Variants in PHF5A observed in about 807,000 individuals in gnomAD.
PHF5A encodes the protein PHD finger protein 5A.
For synonymous variants in PHF5A, 52 were observed against 46.0 expected (o/e 1.13, Z -0.52); for missense variants, 24 against 140.6 (o/e 0.17, Z 4.19).
At chr22:41,464,456 G>A (rs1283179410) in intron 3 of PHF5A, among the ~76,000 whole-genome samples, 2 of 152,198 alleles carry the variant, frequency 1.3e-5, no homozygotes, top group African/African-American at 2.4e-5. Flanking sequence ...GGACTTCTTT[G>A]TGTTCCTTGG....
chr22:41,463,641 C>T (rs973871434), intron 3 of PHF5A, among the ~76,000 whole-genome samples: 9 of 140,514 alleles, frequency 6.4e-5, no homozygotes, highest in Non-Finnish European at 1.1e-4. Context: ...GGAAGAATTG[C>T]TTGAACCCAG....
At chr22:41,466,667 G>A (rs2037868162) in intron 3 of PHF5A, among the ~76,000 whole-genome samples, 1 of 152,030 alleles carries the variant, frequency 6.6e-6, no homozygotes. Context: ...GCGACCACAG[G>A]TACACACCAG....
intron 3 of PHF5A, 83 bp from the exon 4 acceptor site, chr22:41,460,570 G>A: frequency 9.1e-7 from 1 of 1,102,638 alleles, no homozygotes; most frequent in Non-Finnish European, 1.3e-6. Flanking sequence ...GCCCAGTGTG[G>A]TAGCATGTGC....
In PHF5A at chr22:41,459,914, C is replaced by CA. The variant is rs1555884801; in HGVS notation, c.*483_*484insT. On this transcript the variant is annotated 3_prime_UTR_variant, in exon 4 of 4. Coordinates refer to ENST00000216252, the MANE Select transcript of PHF5A (RefSeq NM_032758.4). Reference sequence around the variant, plus strand: ...GGCAGAGCCCTGCCCCCCCACCCCCCCCCCAAAAAAAACGGGAAATGCCTA... The same window carrying CA: ...GGCAGAGCCCTGCCCCCCCACCCCCCACCCCAAAAAAAACGGGAAATGCCTA... The CA allele has an allele frequency of 9.2e-6, 1 of 109,236 alleles. No homozygotes were observed. 6.8% of individuals were successfully genotyped at this position (109,236 alleles called of 1,614,324 possible).
intron 3 of PHF5A, 122 bp from the exon 4 acceptor site, chr22:41,460,609 G>A (rs964134407): frequency 4.4e-5 from 26 of 590,252 alleles, no homozygotes; most frequent in South Asian, 1.6e-4. Flanking sequence ...CTCGAAGGCC[G>A]AGGCAGGAGG....
intron 3 of PHF5A, among the ~76,000 whole-genome samples, chr22:41,464,860 C>A (rs79009): frequency 0.81 from 123,758 of 152,188 alleles, 51,350 homozygotes; most frequent in East Asian, 0.95. Flanking sequence ...GTGCTAGACA[C>A]CCTACAGGGG....
chr22:41,467,773 T>G (rs75341251), intron 2 of PHF5A, among the ~76,000 whole-genome samples, 159 bp from the exon 3 acceptor site: 2,252 of 152,308 alleles, frequency 0.015, 53 homozygotes, highest in African/African-American at 0.051. Flanking sequence ...GTTTCCCCAG[T>G]GTCCATCTCA....
At chr22:41,464,538 A>G (rs2037851340) in intron 3 of PHF5A, among the ~76,000 whole-genome samples, 1 of 152,222 alleles carries the variant, frequency 6.6e-6, no homozygotes, top group African/African-American at 2.4e-5. Flanking sequence ...AATGTGAAGT[A>G]GGGGAAGTGA....
At chr22:41,465,795 G>A (rs1005046162) in intron 3 of PHF5A, among the ~76,000 whole-genome samples, 1 of 152,098 alleles carries the variant, frequency 6.6e-6, no homozygotes, top group South Asian at 2.1e-4. Flanking sequence ...CAGGAGAATC[G>A]CTTGAACCCA....
Position 41,467,996 on chromosome 22 carries a change from G to C in PHF5A, c.76+128C>G, listed in dbSNP as rs1166517951. The C allele has an allele frequency of 8.3e-6, 8 of 963,074 alleles. No homozygotes were observed. The African/African-American group carries it at 9.9e-5, about 12-fold the overall frequency. 59.7% of individuals were successfully genotyped at this position (963,074 alleles called of 1,614,324 possible). On this transcript the variant is annotated intron_variant, in intron 2 of 3. Coordinates refer to ENST00000216252, the MANE Select transcript of PHF5A (RefSeq NM_032758.4). ...GGAGTTAGAGGGGCCTTTGGCTAAA[G>C]TGCAGCATTCAGTGTTCACATACTT...
intron 3 of PHF5A, among the ~76,000 whole-genome samples, chr22:41,463,709 A>G (rs930675917): frequency 1.6e-5 from 2 of 128,112 alleles, no homozygotes; most frequent in African/African-American, 6.1e-5. Context: ...TGGGAGACAC[A>G]GTAAGACTCT....
At chr22:41,467,997 T>G in intron 2 of PHF5A, 127 bp downstream of exon 2, 1 of 968,106 alleles carries the variant, frequency 1.0e-6, no homozygotes, top group South Asian at 1.5e-5. Flanking sequence ...TTGGCTAAAG[T>G]GCAGCATTCA....
chr22:41,468,461 G>A lies in PHF5A; in HGVS notation c.52+141C>T, dbSNP rs1407819673. ...CTCATCAGAGGCCACAAACCTGCGC[G>A]CTCCTACAACACCCCGCGCCTGAGA... On this transcript the variant is annotated intron_variant, in intron 1 of 3. Transcript: ENST00000216252. The A allele has an allele frequency of 6.0e-5, 57 of 951,218 alleles. 2 individuals are homozygous for A. The East Asian group carries it at 1.4e-3, about 23-fold the overall frequency. 58.9% of individuals were successfully genotyped at this position (951,218 alleles called of 1,614,324 possible).
intron 3 of PHF5A, among the ~76,000 whole-genome samples, chr22:41,463,547 G>A (rs1001000809): frequency 2.6e-5 from 4 of 151,406 alleles, no homozygotes; most frequent in Admixed American, 2.0e-4. Flanking sequence ...CCAACATGGT[G>A]AAACTCTGTC....
intron 3 of PHF5A, among the ~76,000 whole-genome samples, chr22:41,460,979 C>A (rs1480424220): frequency 6.6e-6 from 1 of 152,106 alleles, no homozygotes; most frequent in Non-Finnish European, 1.5e-5. Context: ...TCGAGACCAG[C>A]CTGGCCAACA....
Position 41,468,143 on chromosome 22 carries a change from G to A in PHF5A, c.57C>T (p.Ile19=), listed in dbSNP as rs776409922. ...IFCRKQAGVA[I]GRLCEKCDGK... The stretch of plus-strand genomic sequence containing the variant: ...ACTCACATTTTTCACACAGTCTTCC[G>A]ATGGCTGCAAGATGAAAGATGGTAA... Residue 19 remains isoleucine, a synonymous_variant, in exon 2 of 4, where the codon ATC becomes ATT. Transcript: ENST00000216252. The A allele has an allele frequency of 1.2e-5, 19 of 1,613,834 alleles. No homozygotes were observed. The highest frequency in any genetic ancestry group is 1.7e-5 in the Admixed American group (1 of 59,980).
chr22:41,468,207 A>C (rs888970608), intron 1 of PHF5A, 60 bp from the exon 2 acceptor site: 10 of 1,573,682 alleles, frequency 6.4e-6, no homozygotes, highest in Non-Finnish European at 7.9e-6. Flanking sequence ...AAAGAGGAGA[A>C]GTACATCCTC....
chr22:41,468,511 G>A, intron 1 of PHF5A, 91 bp downstream of exon 1: 1 of 1,421,302 alleles, frequency 7.0e-7, no homozygotes, highest in Non-Finnish European at 9.8e-7. Flanking sequence ...CGCCTGCGAG[G>A]CAAGCCCCTA....
At position 41,459,914 on chromosome 22, in the gene PHF5A, C is replaced by CCA. The variant is rs1187903615; in HGVS notation, c.*483_*484insTG. 4.6e-5 allele frequency: 5 copies of CCA among 109,236 alleles called. No individual in the cohort carries two copies. In the East Asian group the frequency reaches 1.4e-3, roughly 31 times the overall value. The allele number at this position is 109,236 out of a possible 1,614,324, so 6.8% of individuals were successfully genotyped here. ...GGCAGAGCCCTGCCCCCCCACCCCC[C>CCA]CCCCAAAAAAAACGGGAAATGCCTA... On this transcript the variant is annotated 3_prime_UTR_variant, in exon 4 of 4. Transcript: ENST00000216252.
Sources: gnomAD v4.1 joint callset for allele counts (sites outside exome capture counted in the v4.1 genomes callset) on GRCh38, gnomAD v4.1.1 for gene constraint, MANE v1.5 for transcripts, NCBI Gene and HGNC (gene_info 2026-07-23, HGNC 2026-07-21) for gene names.